Variants in RPS6KA3 observed in about 807,000 individuals in gnomAD.
RPS6KA3 encodes the protein ribosomal protein S6 kinase alpha-3.
Under a neutral mutation model 67.2 loss-of-function variants are expected in RPS6KA3, and 4 were observed. The ratio of observed to expected loss-of-function variants is 0.06; its 90% confidence interval spans 0.03 to 0.14. RPS6KA3 has a LOEUF of 0.14. Ranked by LOEUF, RPS6KA3 falls within the 10% of genes least tolerant of loss-of-function variation. RPS6KA3 has a pLI of 1.00. For missense variants in RPS6KA3, 204 were observed against 559.0 expected, an observed-to-expected ratio of 0.36 and a Z score of 6.40; for synonymous variants, 182 against 183.7, an observed-to-expected ratio of 0.99 and a Z score of 0.07.
Position 20,151,883 on chromosome X carries a change from T to C in RPS6KA3, c.*3515A>G, listed in dbSNP as rs764981216. The C allele has an allele frequency of 8.9e-6, 1 of 111,911 alleles. No homozygotes were observed. Among genetic ancestry groups the C allele is most frequent in the Non-Finnish European group, 1.9e-5 (1 of 53,262 alleles). The allele number at this position is 111,911 out of a possible 1,213,427, so 9.2% of individuals were successfully genotyped here. On this transcript the variant is annotated 3_prime_UTR_variant, in exon 22 of 22. Transcript: ENST00000379565. ...TTACCTGAGTCCCTTTTCTGCCGAA[T>C]ACATTCTGCCCTCTCTTGAAGCCTT...
Position 20,155,244 on chromosome X carries a change from AG to A in RPS6KA3, c.*153del. ...GCTAACAATCATTTAAAGCGAGAAG[AG>A]AGGAAAGCAGGAGCAGCAGCAGGAA... is the stretch of plus-strand genomic sequence containing the variant. On this transcript the variant is annotated 3_prime_UTR_variant, in exon 22 of 22. Transcript: ENST00000379565. 1.6e-6 allele frequency: 1 copy of A among 608,865 alleles called. No homozygotes were observed. Among genetic ancestry groups the A allele is most frequent in the Non-Finnish European group, 2.8e-6 (1 of 361,218 alleles). 50.2% of individuals were successfully genotyped at this position (608,865 alleles called of 1,213,427 possible).
At chrX:20,185,880 T>C (rs2067967674) in intron 10 of RPS6KA3, among the ~76,000 whole-genome samples, 1 of 112,297 alleles carries the variant, frequency 8.9e-6, no homozygotes, top group African/African-American at 3.2e-5. Context: ...ATGAATTTCT[T>C]AGTTATTTCT....
chrX:20,251,511 A>G (rs2069867160), intron 1 of RPS6KA3, among the ~76,000 whole-genome samples: 1 of 113,089 alleles, frequency 8.8e-6, no homozygotes, highest in African/African-American at 3.2e-5. Flanking sequence ...GCAGACGTCC[A>G]TAGATTCTGA....
At chrX:20,215,811 A>G (rs1052083603) in intron 2 of RPS6KA3, among the ~76,000 whole-genome samples, 17 of 112,421 alleles carry the variant, frequency 1.5e-4, no homozygotes, top group Non-Finnish European at 2.8e-4. Context: ...GGCAGTGATA[A>G]GCCAAGAACA....
intron 20 of RPS6KA3, among the ~76,000 whole-genome samples, chrX:20,158,760 C>T (rs185220266): frequency 0.011 from 1,230 of 110,409 alleles, 6 homozygotes; most frequent in Middle Eastern, 0.018. Flanking sequence ...TACTACAGCC[C>T]CTTTAATGGC....
intron 1 of RPS6KA3, among the ~76,000 whole-genome samples, chrX:20,254,472 G>C (rs972619091): frequency 1.8e-5 from 2 of 111,727 alleles, no homozygotes; most frequent in Non-Finnish European, 3.8e-5. Flanking sequence ...CTAGGTGAGA[G>C]GTATCCTAAG....
At chrX:20,163,447 G>C (rs2067354370) in intron 18 of RPS6KA3, among the ~76,000 whole-genome samples, 1 of 101,243 alleles carries the variant, frequency 9.9e-6, no homozygotes, top group African/African-American at 4.1e-5. Flanking sequence ...CGAACTATGA[G>C]AAATACAAAA....
intron 1 of RPS6KA3, among the ~76,000 whole-genome samples, chrX:20,249,901 T>C (rs2069815526): frequency 8.9e-6 from 1 of 112,461 alleles, no homozygotes; most frequent in African/African-American, 3.2e-5. Flanking sequence ...TACATTCAAA[T>C]CCATGATCCA....
At chrX:20,204,314 TTTG>T (rs1057248239) in intron 3 of RPS6KA3, among the ~76,000 whole-genome samples, 2 of 111,804 alleles carry the variant, frequency 1.8e-5, no homozygotes, top group Non-Finnish European at 3.8e-5. Context: ...TTTTTTTCAT[TTTG>T]TTGTTTGCCA....
At chrX:20,228,386 T>A (rs1239392687) in intron 2 of RPS6KA3, among the ~76,000 whole-genome samples, 1 of 111,613 alleles carries the variant, frequency 9.0e-6, no homozygotes, top group African/African-American at 3.3e-5. Flanking sequence ...ATTTCTTCAG[T>A]CACAACGCTC....
intron 1 of RPS6KA3, among the ~76,000 whole-genome samples, chrX:20,245,074 G>A (rs1319434896): frequency 8.9e-6 from 1 of 111,878 alleles, no homozygotes; most frequent in Non-Finnish European, 1.9e-5. Flanking sequence ...GTATTTATCT[G>A]TAATCCATGA....
intron 2 of RPS6KA3, chrX:20,218,888 A>C (rs747120724): frequency 1.8e-6 from 2 of 1,097,711 alleles, no homozygotes; most frequent in South Asian, 3.8e-5. Context: ...GTAAAACTTA[A>C]GTTAGAAAGG....
At chrX:20,266,491 T>C (rs1401672115) in intron 1 of RPS6KA3, 73 bp downstream of exon 1, 50 of 888,465 alleles carry the variant, frequency 5.6e-5, no homozygotes, top group Non-Finnish European at 7.5e-5. Context: ...AGTGGCCAGC[T>C]CCGGGGAGCG....
chrX:20,156,821 C>T (rs986720261), intron 20 of RPS6KA3, among the ~76,000 whole-genome samples: 8 of 111,153 alleles, frequency 7.2e-5, no homozygotes, highest in Admixed American at 2.9e-4. Flanking sequence ...CAGATGTGAA[C>T]CACTGTGCTT....
In RPS6KA3 at chrX:20,187,942, G is replaced by T. The variant is rs2068026281; in HGVS notation, c.660C>A (p.Asp220Glu). 1 of 1,204,429 alleles carries T rather than the reference G, an allele frequency of 8.3e-7. No homozygotes were observed. The highest frequency in any genetic ancestry group is 1.1e-6 in the Non-Finnish European group (1 of 890,139). The part of the protein sequence containing the change: ...TDFGLSKESI[D>E]HEKKAYSFCG... ...AAAAAGAATATGCCTTCTTTTCATG[G>T]TCAATAGACTCTTTACTTAGGCCGA... The change falls in exon 9 of 22, where the codon GAC becomes GAA. Residue 220 changes from aspartate (D) to glutamate (E), a missense_variant. By Grantham distance (45) the Asp-to-Glu change is conservative. Around this residue, in one of 4 missense-constraint regions of RPS6KA3, gnomAD observed 76 missense variants for 250.3 expected, o/e 0.30. Coordinates refer to ENST00000379565, the MANE Select transcript of RPS6KA3 (RefSeq NM_004586.3).
At chrX:20,215,279 C>G (rs2068822801) in intron 2 of RPS6KA3, among the ~76,000 whole-genome samples, 1 of 110,845 alleles carries the variant, frequency 9.0e-6, no homozygotes, top group Non-Finnish European at 1.9e-5. Context: ...CTCTCTTCCC[C>G]CCAAAACAGA....
chrX:20,203,435 G>T (rs2068496851), intron 4 of RPS6KA3: 1 of 109,982 alleles, frequency 9.1e-6, no homozygotes, highest in Non-Finnish European at 1.9e-5. Flanking sequence ...CTAATTTTTT[G>T]TATTTTTAGT....
chrX:20,266,511 G>T, intron 1 of RPS6KA3, 53 bp downstream of exon 1: 1 of 1,017,887 alleles, frequency 9.8e-7, no homozygotes, highest in Non-Finnish European at 1.3e-6. Context: ...GAAGCGAGCC[G>T]GCGGGGGCGC....
At chrX:20,161,588 C>T (rs760959922) in intron 20 of RPS6KA3, 56 bp downstream of exon 20, 37 of 573,228 alleles carry the variant, frequency 6.5e-5, no homozygotes, top group Non-Finnish European at 9.1e-5. Flanking sequence ...TTTCTTCTCA[C>T]TATGGATCAT....
Sources: allele counts gnomAD v4.1 joint callset (sites outside exome capture counted in the v4.1 genomes callset), GRCh38; gene constraint gnomAD v4.1.1; regional missense constraint gnomAD v4.1.1; transcripts MANE v1.5; gene names NCBI Gene and HGNC (gene_info 2026-07-23, HGNC 2026-07-21).